The following UNC13C variants were observed in gnomAD, a reference collection of about 807,000 sequenced individuals.
The protein encoded by UNC13C is unc-13 homolog C.
Under a neutral mutation model 245.4 loss-of-function variants are expected in UNC13C, and 174 were observed. The ratio of observed to expected loss-of-function variants is 0.71; its 90% confidence interval spans 0.63 to 0.80. The LOEUF is 0.80. Ranked by LOEUF, UNC13C falls within the 30% of genes least tolerant of loss-of-function variation. The pLI is 0.00. For synonymous variants in UNC13C, 992 were observed against 895.1 expected (o/e 1.11, Z -1.93); for missense variants, 2,829 against 2,602.9 (o/e 1.09, Z -1.89).
intron 10 of UNC13C, among the ~76,000 whole-genome samples, chr15:54,279,674 T>C (rs1438311117): frequency 2.6e-5 from 4 of 152,234 alleles, no homozygotes; most frequent in African/African-American, 9.6e-5. Context: ...TGACTGATCC[T>C]GTTTTCTTGC....
At chr15:54,087,757 C>T (rs1267199312) in intron 2 of UNC13C, among the ~76,000 whole-genome samples, 1 of 152,126 alleles carries the variant, frequency 6.6e-6, no homozygotes. Flanking sequence ...AACTACGAAG[C>T]TGGATTAAAT....
chr15:54,574,443 AGGGCT>A (rs909278540), intron 30 of UNC13C, among the ~76,000 whole-genome samples: 5 of 152,234 alleles, frequency 3.3e-5, no homozygotes, highest in African/African-American at 9.6e-5. Flanking sequence ...CATGATACCA[AGGGCT>A]CTTTGAATAT....
chr15:54,121,427 A>C (rs1192693645), intron 2 of UNC13C, among the ~76,000 whole-genome samples: 1 of 152,114 alleles, frequency 6.6e-6, no homozygotes, highest in Non-Finnish European at 1.5e-5. Context: ...TGTGTGACTC[A>C]CTTCATTCCA....
At chr15:54,386,469 G>A (rs2039839921) in intron 17 of UNC13C, among the ~76,000 whole-genome samples, 1 of 152,180 alleles carries the variant, frequency 6.6e-6, no homozygotes, top group Non-Finnish European at 1.5e-5. Flanking sequence ...AAAGCTAGGA[G>A]TCAGCTAAAT....
intron 10 of UNC13C, 100 bp from the exon 11 acceptor site, chr15:54,293,795 T>C (rs937156343): frequency 7.3e-5 from 71 of 974,648 alleles, no homozygotes; most frequent in Admixed American, 1.2e-4. Context: ...TTATGTAGTA[T>C]ATTATGCCTT....
intron 1 of UNC13C, among the ~76,000 whole-genome samples, chr15:54,001,520 G>A (rs916746505): frequency 2.0e-5 from 3 of 152,302 alleles, no homozygotes; most frequent in Non-Finnish European, 1.5e-5. Context: ...ACCCCAAAGA[G>A]CGTCTGTGTC....
At chr15:54,061,367 C>T (rs1897827194) in intron 2 of UNC13C, among the ~76,000 whole-genome samples, 1 of 152,046 alleles carries the variant, frequency 6.6e-6, no homozygotes, top group Non-Finnish European at 1.5e-5. Flanking sequence ...AAAAATGGTA[C>T]TCTATTTAGT....
chr15:54,610,905 C>A (rs1003721744), intron 30 of UNC13C, among the ~76,000 whole-genome samples: 4 of 152,126 alleles, frequency 2.6e-5, no homozygotes, highest in Admixed American at 2.6e-4. Flanking sequence ...ATCAGTTATT[C>A]CATCAATCTG....
chr15:54,038,158 G>A (rs1316625563), intron 2 of UNC13C, among the ~76,000 whole-genome samples: 1 of 98,486 alleles, frequency 1.0e-5, no homozygotes, highest in African/African-American at 4.5e-5. Context: ...CAGAGTCTGT[G>A]TTGCACAAGC....
intron 13 of UNC13C, among the ~76,000 whole-genome samples, chr15:54,315,256 C>T (rs1451399238): frequency 2.0e-5 from 3 of 151,868 alleles, no homozygotes; most frequent in Non-Finnish European, 4.4e-5. Context: ...GGTACCTCTT[C>T]ACTTTCCATC....
the UNC13C span, among the ~76,000 whole-genome samples, chr15:53,943,919 A>G: frequency 1.3e-5 from 2 of 151,968 alleles, no homozygotes; most frequent in Admixed American, 6.5e-5. Context: ...TTTTTATCTG[A>G]TAGTAGCATA....
At chr15:53,889,215 C>T in the UNC13C span, among the ~76,000 whole-genome samples, 4 of 152,270 alleles carry the variant, frequency 2.6e-5, no homozygotes, top group South Asian at 8.3e-4. Context: ...TTTGTGTCCT[C>T]TCTTATTTCC....
At chr15:54,078,613 G>T (rs1898763121) in intron 2 of UNC13C, among the ~76,000 whole-genome samples, 1 of 152,042 alleles carries the variant, frequency 6.6e-6, no homozygotes, top group Non-Finnish European at 1.5e-5. Context: ...TTTGTTGGCT[G>T]CTTGTATGGA....
chr15:54,041,616 G>A (rs1896810269), intron 2 of UNC13C, among the ~76,000 whole-genome samples: 1 of 152,180 alleles, frequency 6.6e-6, no homozygotes, highest in Non-Finnish European at 1.5e-5. Context: ...AATTGTCTTG[G>A]ATTTAATACC....
chr15:54,332,872 T>C (rs1358661396), intron 15 of UNC13C, among the ~76,000 whole-genome samples: 1 of 152,094 alleles, frequency 6.6e-6, no homozygotes, highest in Non-Finnish European at 1.5e-5. Flanking sequence ...TATTGACAGA[T>C]ACTTTAATTG....
At chr15:54,492,835 G>T (rs145777185) in intron 19 of UNC13C, among the ~76,000 whole-genome samples, 1 of 152,140 alleles carries the variant, frequency 6.6e-6, no homozygotes, top group Non-Finnish European at 1.5e-5. Context: ...GCAAACCTTG[G>T]TAGCATTTGG....
chr15:54,412,738 GAA>G (rs2040441234), intron 18 of UNC13C, among the ~76,000 whole-genome samples: 1 of 152,108 alleles, frequency 6.6e-6, no homozygotes, highest in South Asian at 2.1e-4. Context: ...TGTTGTCTGT[GAA>G]AAGTCTTATT....
intron 2 of UNC13C, among the ~76,000 whole-genome samples, chr15:54,076,861 C>T (rs145057144): frequency 2.1e-4 from 32 of 152,230 alleles, no homozygotes; most frequent in African/African-American, 7.5e-4. Context: ...TTTCTTTCCA[C>T]CAGAGTTGAA....
chr15:54,025,217 C>T (rs1416536887), intron 2 of UNC13C, among the ~76,000 whole-genome samples: 1 of 152,190 alleles, frequency 6.6e-6, no homozygotes, highest in African/African-American at 2.4e-5. Flanking sequence ...TTCTCCCTAA[C>T]TCAACCATGA....
Sources: gnomAD v4.1 joint callset for allele counts (sites outside exome capture counted in the v4.1 genomes callset) on GRCh38, gnomAD v4.1.1 for gene constraint, MANE v1.5 for transcripts, NCBI Gene and HGNC (gene_info 2026-07-23, HGNC 2026-07-21) for gene names.